The following PBX3 variants were observed in gnomAD, a reference collection of about 807,000 sequenced individuals.
PBX3 encodes PBX homeobox 3.
A neutral mutation model predicts 48.5 loss-of-function variants in PBX3; 14 were observed. The observed-to-expected ratio is 0.29, with a 90% CI of 0.19 to 0.45. PBX3 has a LOEUF of 0.45. PBX3 is among the 20% of genes least tolerant of loss of function. The probability of loss-of-function intolerance (pLI) is 1.00; values close to 1 mark genes in which losing one functional copy is unlikely to be tolerated. For missense variants in PBX3, 386 were observed against 546.7 expected, an observed-to-expected ratio of 0.71 and a Z score of 2.93; for synonymous variants, 210 against 200.3, an observed-to-expected ratio of 1.05 and a Z score of -0.41.
chr9:125,919,359 A>ATTTTTTTTTTT lies in PBX3; in HGVS notation c.516+3445_516+3455dup, dbSNP rs34891465. Among the ~76,000 whole-genome samples, 451 of 102,724 alleles carry ATTTTTTTTTTT rather than the reference A, an allele frequency of 4.4e-3. 1 individual carries two copies. Among genetic ancestry groups the ATTTTTTTTTTT allele is most frequent in the African/African-American group, 0.016 (410 of 26,270 alleles). 67.4% of individuals were successfully genotyped at this position (102,724 alleles called of 152,430 possible). A position where few individuals can be genotyped will look rare whatever the true frequency, so the allele number is the denominator to read the frequency against. ...AGGCGTCTGCCATCATGCCCGTCTAATTTTTTTTTTTTTTTTTTTTTTTGT... is the reference window on the plus strand; with the variant it reads ...AGGCGTCTGCCATCATGCCCGTCTAATTTTTTTTTTTTTTTTTTTTTTTTTTTTTTTTTTGT... On this transcript the variant is annotated intron_variant, in intron 3 of 8. Transcript: ENST00000373489.
At position 125,915,814 on chromosome 9, in the gene PBX3, G is replaced by T. The variant is rs1457639084; in HGVS notation, c.403G>T (p.Ala135Ser). ...KGGGSAAAAA[A>S]AAASGGSSDN... The stretch of plus-strand genomic sequence containing the variant: ...TGGGGGATCGGCGGCAGCAGCTGCA[G>T]CCGCGGCAGCCTCTGGAGGTTCTTC... Residue 135 changes from alanine (A) to serine (S), a missense_variant, in exon 3 of 9, where the codon GCC becomes TCC. By Grantham distance (99) the Ala-to-Ser change is moderately conservative. This residue lies in a region of PBX3 where 69 missense variants were observed against 99.1 expected (regional missense o/e 0.70). Transcript: ENST00000373489. The T allele has an allele frequency of 6.2e-7, 1 of 1,613,734 alleles. No individual in the cohort carries two copies.
intron 2 of PBX3, among the ~76,000 whole-genome samples, chr9:125,857,277 G>A (rs1285643034): frequency 6.6e-6 from 1 of 152,060 alleles, no homozygotes; most frequent in Non-Finnish European, 1.5e-5. Flanking sequence ...TGTGTTACTG[G>A]TTCAGAATCC....
intron 2 of PBX3, among the ~76,000 whole-genome samples, chr9:125,847,128 A>T (rs1267596413): frequency 2.6e-5 from 4 of 151,982 alleles, no homozygotes; most frequent in African/African-American, 9.7e-5. Flanking sequence ...TTATATTCTT[A>T]TATTAGGTGG....
chr9:125,890,851 A>G (rs1036758623), intron 2 of PBX3, among the ~76,000 whole-genome samples: 3 of 152,204 alleles, frequency 2.0e-5, no homozygotes, highest in Non-Finnish European at 1.5e-5. Context: ...TAGATTAACA[A>G]AACAGTTCCA....
At chr9:125,828,483 A>G (rs1371507068) in intron 2 of PBX3, among the ~76,000 whole-genome samples, 1 of 152,172 alleles carries the variant, frequency 6.6e-6, no homozygotes, top group East Asian at 1.9e-4. Context: ...CTGTATTCTA[A>G]GCCAATTAGA....
chr9:125,864,757 T>TTTGC (rs2132300272), intron 2 of PBX3, among the ~76,000 whole-genome samples: 1 of 152,324 alleles, frequency 6.6e-6, no homozygotes, highest in African/African-American at 2.4e-5. Context: ...CAGATAAAGC[T>TTTGC]TTGCTTGCTT....
intron 2 of PBX3, among the ~76,000 whole-genome samples, chr9:125,869,752 G>T (rs931681109): frequency 2.6e-5 from 4 of 151,928 alleles, no homozygotes; most frequent in Non-Finnish European, 4.4e-5. Context: ...ATTTCTAAAG[G>T]ATATATTTTA....
intron 2 of PBX3, among the ~76,000 whole-genome samples, chr9:125,845,787 T>C (rs547380434): frequency 2.2e-4 from 33 of 152,148 alleles, no homozygotes; most frequent in African/African-American, 7.7e-4. Context: ...GCTTGGCTAT[T>C]TTGGGGTTAT....
intron 2 of PBX3, among the ~76,000 whole-genome samples, chr9:125,838,237 A>G (rs1225180425): frequency 2.6e-5 from 4 of 152,176 alleles, no homozygotes; most frequent in African/African-American, 9.7e-5. Context: ...TTTTTGGTAG[A>G]GACAGGGTCT....
intron 2 of PBX3, among the ~76,000 whole-genome samples, chr9:125,817,624 CT>C (rs1010886906): frequency 2.0e-5 from 3 of 152,176 alleles, no homozygotes; most frequent in Admixed American, 2.0e-4. Context: ...GGCTACCCCA[CT>C]AAACTAATCT....
chr9:125,918,856 TA>T (rs888684225), intron 3 of PBX3, among the ~76,000 whole-genome samples: 3 of 152,196 alleles, frequency 2.0e-5, no homozygotes, highest in Non-Finnish European at 2.9e-5. Context: ...TTCAGTTCTT[TA>T]GGGTACAAGG....
chr9:125,752,664 A>G (rs1013146592), intron 2 of PBX3, among the ~76,000 whole-genome samples: 1 of 152,168 alleles, frequency 6.6e-6, no homozygotes, highest in Non-Finnish European at 1.5e-5. Flanking sequence ...GTTTCAATAT[A>G]AAAATCTGTT....
chr9:125,781,567 A>G (rs1564651669), intron 2 of PBX3, among the ~76,000 whole-genome samples: 1 of 143,216 alleles, frequency 7.0e-6, no homozygotes, highest in Non-Finnish European at 1.5e-5. Context: ...GGGAGAGGCG[A>G]GAGGGGAGAG....
chr9:125,747,862 G>T (rs1324070096), intron 1 of PBX3, among the ~76,000 whole-genome samples: 1 of 151,670 alleles, frequency 6.6e-6, no homozygotes, highest in Non-Finnish European at 1.5e-5. Context: ...GGGGGGCTCG[G>T]GACGGACTCG....
intron 2 of PBX3, among the ~76,000 whole-genome samples, chr9:125,888,270 T>C (rs1465092685): frequency 6.6e-6 from 1 of 152,228 alleles, no homozygotes; most frequent in African/African-American, 2.4e-5. Flanking sequence ...ATGTCCATTT[T>C]GATCTCTTCT....
chr9:125,914,287 T>C (rs1166199635), intron 2 of PBX3, among the ~76,000 whole-genome samples: 1 of 152,162 alleles, frequency 6.6e-6, no homozygotes, highest in Non-Finnish European at 1.5e-5. Flanking sequence ...TTTTAAATTA[T>C]GGTGAGTTAG....
chr9:125,777,015 CT>C (rs11446623), intron 2 of PBX3, among the ~76,000 whole-genome samples: 27 of 145,880 alleles, frequency 1.9e-4, no homozygotes, highest in Non-Finnish European at 2.7e-4. Context: ...CTTTTCTTTT[CT>C]TTTTTTTTTT....
chr9:125,856,611 AC>A lies in PBX3; in HGVS notation c.275-59071del, dbSNP rs200022394. ...ACAAGCAGTCCCAGCATAAAACTAA[AC>A]CCCGTTTGGCAGTATTAATCGTTGA... On this transcript the variant is annotated intron_variant, in intron 2 of 8. Coordinates refer to ENST00000373489, the MANE Select transcript of PBX3 (RefSeq NM_006195.6). Among the ~76,000 whole-genome samples the A allele has an allele frequency of 9.3e-3, 1,418 of 152,212 alleles. 13 individuals are homozygous for A. Among genetic ancestry groups the A allele is most frequent in the Non-Finnish European group, 0.013 (876 of 67,980 alleles).
At chr9:125,909,113 T>G (rs1373857624) in intron 2 of PBX3, among the ~76,000 whole-genome samples, 2 of 152,172 alleles carry the variant, frequency 1.3e-5, no homozygotes, top group African/African-American at 4.8e-5. Context: ...AATGTAACTC[T>G]TCTTTCCGCA....
Sources: allele counts gnomAD v4.1 joint callset (sites outside exome capture counted in the v4.1 genomes callset), GRCh38; gene constraint gnomAD v4.1.1; regional missense constraint gnomAD v4.1.1; transcripts MANE v1.5; gene names NCBI Gene and HGNC (gene_info 2026-07-23, HGNC 2026-07-21).